The following NETO2 variants were observed in gnomAD, a reference collection of about 807,000 sequenced individuals.
NETO2 encodes the protein neuropilin and tolloid like 2.
A neutral mutation model predicts 62.5 loss-of-function variants in NETO2; 28 were observed. The ratio of observed to expected loss-of-function variants is 0.45; its 90% confidence interval spans 0.33 to 0.61. The LOEUF (loss-of-function observed/expected upper bound fraction) is 0.61. NETO2 is among the 20% of genes least tolerant of loss of function. NETO2 has a pLI of 0.02. For missense variants in NETO2, 548 were observed against 643.2 expected (o/e 0.85, Z 1.60); for synonymous variants, 214 against 219.1 (o/e 0.98, Z 0.21).
chr16:47,117,337 G>T (rs898016135), intron 6 of NETO2, among the ~76,000 whole-genome samples: 4 of 152,194 alleles, frequency 2.6e-5, no homozygotes, highest in Non-Finnish European at 5.9e-5. Context: ...GATGTGTGCA[G>T]GTATTGCTTT....
At chr16:47,130,173 C>T (rs971040265) in intron 2 of NETO2, among the ~76,000 whole-genome samples, 1 of 152,188 alleles carries the variant, frequency 6.6e-6, no homozygotes, top group Non-Finnish European at 1.5e-5. Flanking sequence ...TCCCAGCCTT[C>T]GTTTCCTGCT....
chr16:47,089,618 T>C (rs1041774327), intron 7 of NETO2, among the ~76,000 whole-genome samples: 11 of 152,354 alleles, frequency 7.2e-5, no homozygotes, highest in South Asian at 2.1e-4. Context: ...TTAGATAACA[T>C]TGATGGTTCC....
intron 4 of NETO2, among the ~76,000 whole-genome samples, chr16:47,126,518 T>C (rs949477134): frequency 1.3e-4 from 20 of 152,120 alleles, no homozygotes; most frequent in African/African-American, 4.8e-4. Flanking sequence ...GTTAGAGCAG[T>C]GGGACTGTTC....
chr16:47,141,283 C>T (rs1487043644), intron 1 of NETO2, among the ~76,000 whole-genome samples: 1 of 152,130 alleles, frequency 6.6e-6, no homozygotes, highest in East Asian at 1.9e-4. Flanking sequence ...TAAATAGCTG[C>T]TTCAGATAAG....
chr16:47,106,384 T>C (rs1963675026), intron 7 of NETO2, among the ~76,000 whole-genome samples: 1 of 152,192 alleles, frequency 6.6e-6, no homozygotes, highest in African/African-American at 2.4e-5. Context: ...GTGGTGATGG[T>C]TGCACAACAA....
In NETO2 at chr16:47,099,035, T is replaced by G. The variant is rs545901682; in HGVS notation, c.883+10448A>C. On this transcript the variant is annotated intron_variant, in intron 7 of 8. Coordinates refer to ENST00000562435, the MANE Select transcript of NETO2 (RefSeq NM_018092.5). Reference sequence around the variant, plus strand: ...CCACCACACCTGGGTAATTTTTGTATTTTTAGTAGAGATGGGATTTCAACA... The same window carrying G: ...CCACCACACCTGGGTAATTTTTGTAGTTTTAGTAGAGATGGGATTTCAACA... Among the ~76,000 whole-genome samples the G allele has an allele frequency of 4.6e-5, 7 of 152,246 alleles. No homozygotes were observed. In the East Asian group the frequency reaches 1.4e-3, roughly 29 times the overall value.
intron 6 of NETO2, among the ~76,000 whole-genome samples, chr16:47,121,570 A>G (rs1964041940): frequency 6.6e-6 from 1 of 152,230 alleles, no homozygotes; most frequent in South Asian, 2.1e-4. Context: ...CAGAAAAACA[A>G]GCTTCTTTGT....
At chr16:47,126,334 A>G (rs886403955) in intron 4 of NETO2, among the ~76,000 whole-genome samples, 3 of 152,204 alleles carry the variant, frequency 2.0e-5, no homozygotes, top group African/African-American at 7.2e-5. Flanking sequence ...ATTAAGCCAC[A>G]AAAAGACATG....
At chr16:47,091,482 T>G (rs886904822) in intron 7 of NETO2, among the ~76,000 whole-genome samples, 1 of 152,198 alleles carries the variant, frequency 6.6e-6, no homozygotes, top group Non-Finnish European at 1.5e-5. Flanking sequence ...GTAGCCACAT[T>G]AAAAAGTAAA....
At chr16:47,099,612 GAATATTTACCAAGC>G (rs1322196812) in intron 7 of NETO2, among the ~76,000 whole-genome samples, 1 of 151,724 alleles carries the variant, frequency 6.6e-6, no homozygotes, top group South Asian at 2.1e-4. Flanking sequence ...ACAGATGGAG[GAATATTTACCAAGC>G]AAATGGCAAG....
intron 7 of NETO2, among the ~76,000 whole-genome samples, chr16:47,107,333 C>T (rs903678056): frequency 6.6e-6 from 1 of 152,086 alleles, no homozygotes; most frequent in Non-Finnish European, 1.5e-5. Context: ...TGTACAGACA[C>T]CATGATGTTG....
At chr16:47,096,348 G>A (rs1164397835) in intron 7 of NETO2, among the ~76,000 whole-genome samples, 1 of 151,994 alleles carries the variant, frequency 6.6e-6, no homozygotes, top group Non-Finnish European at 1.5e-5. Context: ...CAGAAAAAGA[G>A]CAAAAACCCA....
At position 47,122,860 on chromosome 16, in the gene NETO2, TACTAA is replaced by T; in HGVS notation, c.526+3_526+7del. On this transcript the variant is annotated splice_donor_5th_base_variant and intron_variant, in intron 5 of 8. Transcript: ENST00000562435. ...ATGCCAAGAGGAACAAGTGGTAATA[TACTAA>T]ACCTGGAATGGGATTTAAAATACCT... 1 of 1,614,016 alleles carries T rather than the reference TACTAA, an allele frequency of 6.2e-7. No homozygotes were observed. The highest frequency in any genetic ancestry group is 8.5e-7 in the Non-Finnish European group (1 of 1,179,936).
At chr16:47,097,369 A>T (rs944979255) in intron 7 of NETO2, among the ~76,000 whole-genome samples, 1 of 152,198 alleles carries the variant, frequency 6.6e-6, no homozygotes, top group Admixed American at 6.5e-5. Flanking sequence ...AGGCTTGAGT[A>T]GGTGGTTTTC....
chr16:47,142,992 CGCCCGCGCGCCGCCCCCGGA>C (rs1964493056), intron 1 of NETO2, among the ~76,000 whole-genome samples: 2 of 151,884 alleles, frequency 1.3e-5, no homozygotes, highest in Middle Eastern at 3.4e-3. Flanking sequence ...GGGTCCGCGG[CGCCCGCGCGCCGCCCCCGGA>C]GCCCGCAGTG....
At chr16:47,111,159 A>G (rs900379798) in intron 6 of NETO2, among the ~76,000 whole-genome samples, 2 of 152,186 alleles carry the variant, frequency 1.3e-5, no homozygotes, top group African/African-American at 4.8e-5. Flanking sequence ...ATGTCTTCCA[A>G]TGGAAGGTCA....
chr16:47,115,732 C>CACATATATATATATATATAT (rs1555498143), intron 6 of NETO2, among the ~76,000 whole-genome samples: 13 of 134,480 alleles, frequency 9.7e-5, no homozygotes, highest in Non-Finnish European at 1.7e-4. Context: ...TATATATATA[C>CACATATATATATATATATAT]ATGTATATAT....
intron 6 of NETO2, among the ~76,000 whole-genome samples, chr16:47,120,732 T>C (rs542924520): frequency 6.6e-6 from 1 of 152,352 alleles, no homozygotes; most frequent in South Asian, 2.1e-4. Context: ...TTGCTATTGA[T>C]AATTCTGGTG....
intron 6 of NETO2, among the ~76,000 whole-genome samples, chr16:47,111,373 T>C (rs1176673268): frequency 6.6e-6 from 1 of 152,208 alleles, no homozygotes; most frequent in Non-Finnish European, 1.5e-5. Flanking sequence ...AGACATATTT[T>C]TAAAAAAACA....
Sources: allele counts gnomAD v4.1 joint callset (sites outside exome capture counted in the v4.1 genomes callset), GRCh38; gene constraint gnomAD v4.1.1; transcripts MANE v1.5; gene names NCBI Gene and HGNC (gene_info 2026-07-23, HGNC 2026-07-21).